Variants in SPAG16 observed in about 807,000 individuals in gnomAD.
SPAG16 encodes the protein sperm-associated antigen 16 protein.
Under a neutral mutation model 80.4 loss-of-function variants are expected in SPAG16, and 86 were observed. The observed-to-expected ratio is 1.07, with a 90% confidence interval of 0.90 to 1.28. The LOEUF (loss-of-function observed/expected upper bound fraction) is 1.28. Ranked by LOEUF, SPAG16 falls within the 50% of genes most tolerant of loss-of-function variation. SPAG16 has a pLI of 0.00. For synonymous variants in SPAG16, 294 were observed against 265.9 expected (o/e 1.11, Z -1.03); for missense variants, 870 against 765.3 (o/e 1.14, Z -1.61).
intron 9 of SPAG16, among the ~76,000 whole-genome samples, chr2:213,461,380 G>A (rs1186600266): frequency 6.6e-6 from 1 of 152,136 alleles, no homozygotes; most frequent in Non-Finnish European, 1.5e-5. Context: ...AGTAATCTTA[G>A]GAATTTAAAC....
chr2:214,054,007 T>A (rs750363744), intron 13 of SPAG16, among the ~76,000 whole-genome samples: 11 of 152,142 alleles, frequency 7.2e-5, no homozygotes, highest in Non-Finnish European at 1.5e-4. Context: ...CCCTTTTTTT[T>A]TAAAAACGGA....
At chr2:213,797,244 T>A (rs562302806) in intron 10 of SPAG16, among the ~76,000 whole-genome samples, 1 of 152,212 alleles carries the variant, frequency 6.6e-6, no homozygotes, top group South Asian at 2.1e-4. Context: ...CAAAATTTTT[T>A]AAAAAGAAAA....
intron 15 of SPAG16, among the ~76,000 whole-genome samples, chr2:214,343,451 T>TCCA (rs1697843553): frequency 6.6e-6 from 1 of 152,132 alleles, no homozygotes; most frequent in East Asian, 1.9e-4. Flanking sequence ...TATTTGGTCA[T>TCCA]AGGAACTGAT....
intron 12 of SPAG16, among the ~76,000 whole-genome samples, chr2:213,951,946 TAGGC>T (rs2106325835): frequency 6.6e-6 from 1 of 152,230 alleles, no homozygotes; most frequent in African/African-American, 2.4e-5. Flanking sequence ...TCAAAGAACA[TAGGC>T]AGGTGCATTA....
At chr2:213,951,316 T>G (rs1189025793) in intron 12 of SPAG16, among the ~76,000 whole-genome samples, 1 of 152,074 alleles carries the variant, frequency 6.6e-6, no homozygotes, top group Admixed American at 6.6e-5. Flanking sequence ...AAATAAACAT[T>G]CAAATAGAAA....
At chr2:214,255,369 T>C (rs1164638664) in intron 15 of SPAG16, among the ~76,000 whole-genome samples, 1 of 151,974 alleles carries the variant, frequency 6.6e-6, no homozygotes, top group African/African-American at 2.4e-5. Flanking sequence ...TAAAGAAATG[T>C]TGAAAAATGT....
At chr2:214,345,463 T>C (rs1178682112) in intron 15 of SPAG16, among the ~76,000 whole-genome samples, 1 of 152,192 alleles carries the variant, frequency 6.6e-6, no homozygotes, top group Non-Finnish European at 1.5e-5. Flanking sequence ...TTTAATTTCT[T>C]GCCTAAACAA....
At chr2:214,388,650 A>AGCAAATAAATAATTAT (rs1371008736) in intron 15 of SPAG16, among the ~76,000 whole-genome samples, 2 of 152,180 alleles carry the variant, frequency 1.3e-5, no homozygotes, top group African/African-American at 4.8e-5. Flanking sequence ...CTTTATTTTC[A>AGCAAATAAATAATTAT]TTATTACAGC....
intron 7 of SPAG16, among the ~76,000 whole-genome samples, chr2:213,358,701 C>A (rs1382168302): frequency 4.6e-5 from 7 of 152,088 alleles, no homozygotes; most frequent in Non-Finnish European, 7.3e-5. Context: ...ATGGGTTAGA[C>A]CACGCTCCTT....
intron 15 of SPAG16, among the ~76,000 whole-genome samples, chr2:214,293,932 C>G (rs1417905399): frequency 6.6e-6 from 1 of 152,226 alleles, no homozygotes; most frequent in Non-Finnish European, 1.5e-5. Flanking sequence ...ACAGTTGCCT[C>G]ATATCTTAGT....
chr2:214,220,514 C>G (rs1322475252), intron 15 of SPAG16, among the ~76,000 whole-genome samples: 1 of 152,048 alleles, frequency 6.6e-6, no homozygotes, highest in Non-Finnish European at 1.5e-5. Context: ...CTCCCCAACC[C>G]AAAGCCTTCT....
intron 9 of SPAG16, among the ~76,000 whole-genome samples, chr2:213,474,220 C>G (rs1464956145): frequency 6.6e-6 from 1 of 152,198 alleles, no homozygotes; most frequent in African/African-American, 2.4e-5. Flanking sequence ...AATGCCCTCA[C>G]TTTAATGGTA....
intron 13 of SPAG16, among the ~76,000 whole-genome samples, chr2:214,091,343 T>C (rs1318880502): frequency 6.6e-6 from 1 of 152,144 alleles, no homozygotes; most frequent in East Asian, 1.9e-4. Context: ...AGTATGAAGA[T>C]ATTTAGCAAC....
chr2:214,014,425 T>C (rs1212627033), intron 13 of SPAG16, among the ~76,000 whole-genome samples: 1 of 152,174 alleles, frequency 6.6e-6, no homozygotes, highest in Non-Finnish European at 1.5e-5. Context: ...AGAGATTATT[T>C]TGATGAAATG....
chr2:214,072,909 A>G (rs1030430714), intron 13 of SPAG16, among the ~76,000 whole-genome samples: 1 of 152,060 alleles, frequency 6.6e-6, no homozygotes, highest in Non-Finnish European at 1.5e-5. Flanking sequence ...TTTCCAAAAT[A>G]ATATACAGAC....
At chr2:214,238,219 A>G (rs941878615) in intron 15 of SPAG16, 26 of 427,440 alleles carry the variant, frequency 6.1e-5, no homozygotes, top group East Asian at 1.5e-4. Flanking sequence ...GAAGTTGCCA[A>G]TGGTAGGACT....
At chr2:213,925,786 T>C (rs1293177211) in intron 11 of SPAG16, among the ~76,000 whole-genome samples, 1 of 152,260 alleles carries the variant, frequency 6.6e-6, no homozygotes, top group East Asian at 1.9e-4. Context: ...AATGTAGTCA[T>C]CTTATGAGTC....
intron 9 of SPAG16, among the ~76,000 whole-genome samples, chr2:213,415,205 C>T (rs534881140): frequency 3.3e-5 from 5 of 152,266 alleles, no homozygotes; most frequent in Non-Finnish European, 7.4e-5. Flanking sequence ...GAGGCTGTGC[C>T]AGCACATGCA....
At chr2:213,721,260 A>C (rs2066522252) in intron 10 of SPAG16, among the ~76,000 whole-genome samples, 1 of 151,498 alleles carries the variant, frequency 6.6e-6, no homozygotes, top group South Asian at 2.1e-4. Context: ...CAACCCGCCC[A>C]GCTCATTTTT....
Sources: allele counts gnomAD v4.1 joint callset (sites outside exome capture counted in the v4.1 genomes callset), GRCh38; gene constraint gnomAD v4.1.1; transcripts MANE v1.5; gene names NCBI Gene and HGNC (gene_info 2026-07-23, HGNC 2026-07-21).